Variants in PHF24 observed in about 807,000 individuals in gnomAD.
The protein encoded by PHF24 is PHD finger protein 24, also known as Galpha inhibitory interacting protein.
In PHF24, 25 loss-of-function variants were observed where a neutral mutation model predicts 42.6. The ratio of observed to expected loss-of-function variants is 0.59; its 90% CI spans 0.43 to 0.82. PHF24 has a LOEUF of 0.82. Ranked by LOEUF, PHF24 falls within the 40% of genes least tolerant of loss-of-function variation. The pLI is 0.00. For synonymous variants in PHF24, 185 were observed against 204.8 expected, an observed-to-expected ratio of 0.90 and a Z score of 0.83; for missense variants, 470 against 538.1, an observed-to-expected ratio of 0.87 and a Z score of 1.25.
At chr9:34,798,537 A>G in the PHF24 span, among the ~76,000 whole-genome samples, 328 of 152,336 alleles carry the variant, frequency 2.2e-3, no homozygotes, top group Middle Eastern at 0.014. Context: ...GCTGCAAAGG[A>G]CAAGATTTTG....
At chr9:34,848,601 TC>T in the PHF24 span, among the ~76,000 whole-genome samples, 1 of 151,960 alleles carries the variant, frequency 6.6e-6, no homozygotes, top group East Asian at 1.9e-4. Context: ...TCTATTTCCT[TC>T]AGTTCTGCTC....
the PHF24 span, among the ~76,000 whole-genome samples, chr9:34,794,905 A>T: frequency 6.6e-6 from 1 of 152,192 alleles, no homozygotes. Context: ...GGTGTATAAA[A>T]ATACTTGAAG....
chr9:34,731,040 C>G, the PHF24 span, among the ~76,000 whole-genome samples: 1 of 152,154 alleles, frequency 6.6e-6, no homozygotes, highest in Non-Finnish European at 1.5e-5. Context: ...ACACATGGCA[C>G]AAAATTTAAA....
the PHF24 span, among the ~76,000 whole-genome samples, chr9:34,926,834 T>G: frequency 5.3e-5 from 8 of 152,260 alleles, no homozygotes; most frequent in African/African-American, 1.9e-4. The surrounding 1 kb of genome is among the most constrained non-coding windows in gnomAD (Gnocchi z 4.3). Flanking sequence ...CCAGGGCATG[T>G]TCACTAGTGG....
chr9:34,671,807 TCATCCATCCATCCATCCATC>T, the PHF24 span, among the ~76,000 whole-genome samples: 28 of 149,944 alleles, frequency 1.9e-4, no homozygotes, highest in East Asian at 7.9e-4. Context: ...TTTTTCTGCC[TCATCCATCCATCCATCCATC>T]CATCCATCCA....
At chr9:34,886,834 G>GTATCTATGTATCTATCTATCTATC in the PHF24 span, among the ~76,000 whole-genome samples, 14 of 148,694 alleles carry the variant, frequency 9.4e-5, no homozygotes, top group African/African-American at 2.5e-4. Flanking sequence ...ATGTATCTAT[G>GTATCTATGTATCTATCTATCTATC]TATCTATCTA....
chr9:34,935,907 AG>A, the PHF24 span, among the ~76,000 whole-genome samples: 1 of 151,970 alleles, frequency 6.6e-6, no homozygotes, highest in South Asian at 2.1e-4. Context: ...ACACTGTGGA[AG>A]CTGCAGCCCT....
chr9:34,758,069 C>T, the PHF24 span, among the ~76,000 whole-genome samples: 2 of 152,140 alleles, frequency 1.3e-5, no homozygotes, highest in African/African-American at 2.4e-5. The surrounding 1 kb of genome is among the most constrained non-coding windows in gnomAD (Gnocchi z 4.4). Context: ...AAGATGACAT[C>T]GCAAGTCTGC....
the PHF24 span, among the ~76,000 whole-genome samples, chr9:34,670,895 G>T: frequency 1.3e-5 from 2 of 152,104 alleles, no homozygotes; most frequent in Admixed American, 1.3e-4. Flanking sequence ...GGATGAGAAG[G>T]TCCTCTCCCA....
At chr9:34,713,131 C>T in the PHF24 span, among the ~76,000 whole-genome samples, 11 of 152,130 alleles carry the variant, frequency 7.2e-5, no homozygotes, top group East Asian at 1.9e-4. Context: ...CTTTTTCAAA[C>T]GGTTTTTTGC....
intron 7 of PHF24, 70 bp from the exon 8 acceptor site, chr9:34,977,945 C>T: frequency 2.5e-6 from 3 of 1,213,974 alleles, no homozygotes; most frequent in Non-Finnish European, 3.7e-6. Context: ...TCAAGCCATG[C>T]TGCCCCTGGG....
chr9:34,785,152 T>A, the PHF24 span, among the ~76,000 whole-genome samples: 1 of 152,174 alleles, frequency 6.6e-6, no homozygotes, highest in Non-Finnish European at 1.5e-5. Context: ...TTGGTGTCTG[T>A]TTGGCGGTGT....
At chr9:34,933,642 G>A in the PHF24 span, among the ~76,000 whole-genome samples, 3 of 151,486 alleles carry the variant, frequency 2.0e-5, no homozygotes, top group Middle Eastern at 3.4e-3. Flanking sequence ...GAAGAATGGC[G>A]TGAACCGGGG....
At chr9:34,952,187 C>G in the PHF24 span, among the ~76,000 whole-genome samples, 3,089 of 152,246 alleles carry the variant, frequency 0.02, 49 homozygotes, top group Non-Finnish European at 0.029. Flanking sequence ...ATAATCTACA[C>G]AAAAGCTCCT....
the PHF24 span, among the ~76,000 whole-genome samples, chr9:34,883,623 A>T: frequency 1.1e-4 from 17 of 152,372 alleles, no homozygotes; most frequent in African/African-American, 3.8e-4. Flanking sequence ...AATGCTCATC[A>T]TCACTGGCCA....
the PHF24 span, among the ~76,000 whole-genome samples, chr9:34,673,808 A>G: frequency 6.6e-6 from 1 of 152,060 alleles, no homozygotes; most frequent in Admixed American, 6.6e-5. Flanking sequence ...TTTTTAGTAG[A>G]GACGGGGTTT....
At chr9:34,709,827 G>A in the PHF24 span, 1 of 1,614,206 alleles carries the variant, frequency 6.2e-7, no homozygotes, top group Non-Finnish European at 8.5e-7. Context: ...TCCGGTAGCT[G>A]CGGACAACCT....
At chr9:34,853,394 G>A in the PHF24 span, among the ~76,000 whole-genome samples, 5 of 152,116 alleles carry the variant, frequency 3.3e-5, no homozygotes, top group Non-Finnish European at 7.4e-5. Context: ...TTGCGTTGAC[G>A]TTCATTGGGG....
At chr9:34,875,907 TACACAC>T in the PHF24 span, among the ~76,000 whole-genome samples, 260 of 116,104 alleles carry the variant, frequency 2.2e-3, 4 homozygotes, top group African/African-American at 4.1e-3. Flanking sequence ...CTCTCTCTCT[TACACAC>T]ACACACACAC....
Sources: gnomAD v4.1 joint callset for allele counts (sites outside exome capture counted in the v4.1 genomes callset) on GRCh38, gnomAD v4.1.1 for gene constraint, Gnocchi (gnomAD v3.1) non-coding constraint, MANE v1.5 for transcripts, NCBI Gene and HGNC (gene_info 2026-07-23, HGNC 2026-07-21) for gene names.